Variants in GRIK2 observed in about 807,000 individuals in gnomAD.
GRIK2 encodes the protein glutamate receptor ionotropic, kainate 2.
GRIK2 carries 32 observed loss-of-function variants against 100.3 expected under a neutral mutation model. The ratio of observed to expected loss-of-function variants is 0.32; its 90% confidence interval spans 0.24 to 0.43. The LOEUF is 0.43. GRIK2 is among the 20% of genes least tolerant of loss of function. The pLI, the probability that GRIK2 is intolerant of heterozygous loss-of-function variation, is 1.00. For synonymous variants in GRIK2, 417 were observed against 389.4 expected (o/e 1.07, Z -0.83); for missense variants, 843 against 1,114.9 (o/e 0.76, Z 3.47).
intron 7 of GRIK2, among the ~76,000 whole-genome samples, chr6:101,788,438 C>A (rs1250543289): frequency 6.6e-6 from 1 of 151,370 alleles, no homozygotes; most frequent in Admixed American, 6.6e-5. Flanking sequence ...CAATTCCCAT[C>A]TATGAGTGAG....
intron 10 of GRIK2, among the ~76,000 whole-genome samples, chr6:101,821,234 T>C (rs1781930166): frequency 6.6e-6 from 1 of 152,194 alleles, no homozygotes; most frequent in Non-Finnish European, 1.5e-5. Flanking sequence ...TTCAGTGTTA[T>C]TTTTTGAGAA....
At chr6:101,836,986 G>A (rs2791816) in intron 10 of GRIK2, among the ~76,000 whole-genome samples, 43,644 of 151,658 alleles carry the variant, frequency 0.29, 9,121 homozygotes, top group East Asian at 0.68. Context: ...TTTCTATTCA[G>A]CAGCACTGGT....
chr6:102,014,735 T>C (rs1172678425), intron 14 of GRIK2, among the ~76,000 whole-genome samples: 2 of 152,158 alleles, frequency 1.3e-5, no homozygotes, highest in East Asian at 3.8e-4. Context: ...TCCATCTAAT[T>C]GTATGGTTTT....
chr6:101,540,710 A>C (rs1775944444), intron 2 of GRIK2, among the ~76,000 whole-genome samples: 1 of 151,960 alleles, frequency 6.6e-6, no homozygotes, highest in Non-Finnish European at 1.5e-5. Context: ...TGTTTTCTAA[A>C]ACTGTGAATA....
At chr6:101,526,421 AG>A (rs1323733816) in intron 2 of GRIK2, among the ~76,000 whole-genome samples, 2 of 152,240 alleles carry the variant, frequency 1.3e-5, no homozygotes, top group Non-Finnish European at 2.9e-5. Context: ...ATGTTAAACT[AG>A]AAAAAATAAA....
chr6:101,854,631 A>C (rs1228907343), intron 10 of GRIK2, among the ~76,000 whole-genome samples: 1 of 152,186 alleles, frequency 6.6e-6, no homozygotes, highest in Admixed American at 6.5e-5. Flanking sequence ...TTATGTTAAG[A>C]AGCTGATTTT....
At chr6:101,606,577 A>G (rs538420402) in intron 2 of GRIK2, among the ~76,000 whole-genome samples, 19 of 152,118 alleles carry the variant, frequency 1.2e-4, no homozygotes, top group African/African-American at 4.6e-4. Flanking sequence ...TCAGTTGGCT[A>G]ATAATAGCAG....
rs770026337 is a variant in GRIK2 at position 101,924,597 on chromosome 6, A to G, written c.1749-4A>G. 10 of 1,425,898 alleles carry G rather than the reference A, an allele frequency of 7.0e-6. No individual in the cohort carries two copies. In the Admixed American group the frequency reaches 1.2e-4, roughly 17 times the overall value. 88.3% of individuals were successfully genotyped at this position (1,425,898 alleles called of 1,614,324 possible). ...TGTATTCTTTTTTCTGTCAATTACC[A>G]CAGGTTTAGTCCTTATGAGTGGTAT... is the stretch of plus-strand genomic sequence containing the variant. On this transcript the variant is annotated splice_region_variant and splice_polypyrimidine_tract_variant and intron_variant, in intron 12 of 16. Coordinates refer to ENST00000369134, the MANE Select transcript of GRIK2 (RefSeq NM_021956.5).
intron 11 of GRIK2, among the ~76,000 whole-genome samples, chr6:101,869,403 AAAATCAT>A (rs1785246473): frequency 6.6e-6 from 1 of 151,940 alleles, no homozygotes; most frequent in African/African-American, 2.4e-5. Flanking sequence ...GTTTTGTGCC[AAAATCAT>A]GTGCCTTCAT....
intron 2 of GRIK2, among the ~76,000 whole-genome samples, chr6:101,565,928 T>G (rs1777240629): frequency 5.5e-5 from 5 of 91,008 alleles, no homozygotes; most frequent in Non-Finnish European, 1.1e-4. Context: ...TATATATATA[T>G]ATATGTGTAT....
intron 2 of GRIK2, among the ~76,000 whole-genome samples, chr6:101,605,630 A>T (rs185575149): frequency 6.6e-6 from 1 of 152,070 alleles, no homozygotes; most frequent in Non-Finnish European, 1.5e-5. Context: ...GTGAGCCAAG[A>T]TCGTGCCATT....
Position 101,471,283 on chromosome 6 carries a change from CCTAATA to C in GRIK2, c.115+71903_115+71908del, listed in dbSNP as rs1344874470. On this transcript the variant is annotated intron_variant, in intron 2 of 16. Coordinates refer to ENST00000369134, the MANE Select transcript of GRIK2 (RefSeq NM_021956.5). ...AGATTAAACGATCTCTCATATTATA[CCTAATA>C]CTAATACTAATCCTAAATTTTAAGA... Among the ~76,000 whole-genome samples the C allele has an allele frequency of 3.9e-5, 6 of 151,914 alleles. No individual in the cohort carries two copies. In the South Asian group the frequency reaches 6.2e-4, roughly 16 times the overall value.
At chr6:101,979,626 T>C (rs1793597229) in intron 14 of GRIK2, among the ~76,000 whole-genome samples, 1 of 151,960 alleles carries the variant, frequency 6.6e-6, no homozygotes, top group Admixed American at 6.6e-5. Context: ...TTTGGATTGC[T>C]GTGGGAGGAA....
At chr6:101,782,701 C>T (rs1779172291) in intron 7 of GRIK2, among the ~76,000 whole-genome samples, 2 of 152,076 alleles carry the variant, frequency 1.3e-5, no homozygotes, top group African/African-American at 4.8e-5. Flanking sequence ...ATACTGATTT[C>T]CTTTCCTTTG....
At chr6:101,815,795 C>A (rs1781598548) in intron 9 of GRIK2, among the ~76,000 whole-genome samples, 2 of 152,034 alleles carry the variant, frequency 1.3e-5, no homozygotes, top group Admixed American at 6.6e-5. Flanking sequence ...ATGTAGTTGA[C>A]AATCTAGGAA....
intron 7 of GRIK2, among the ~76,000 whole-genome samples, chr6:101,750,789 T>TGGACAGGAGCTTGGTAGA (rs1164673309): frequency 1.3e-4 from 20 of 152,212 alleles, no homozygotes; most frequent in Non-Finnish European, 2.9e-4. Flanking sequence ...TAGCTGCAGT[T>TGGACAGGAGCTTGGTAGA]GGACAGGAGC....
chr6:101,745,513 G>T (rs1002961073), intron 7 of GRIK2, among the ~76,000 whole-genome samples: 2 of 152,020 alleles, frequency 1.3e-5, no homozygotes, highest in Non-Finnish European at 2.9e-5. Flanking sequence ...GATGGATTGA[G>T]AAATATTTTA....
At chr6:101,647,476 A>T (rs537066251) in intron 4 of GRIK2, among the ~76,000 whole-genome samples, 1 of 152,078 alleles carries the variant, frequency 6.6e-6, no homozygotes, top group South Asian at 2.1e-4. Flanking sequence ...CTCCCAGGCT[A>T]TAGAAGTGCA....
At chr6:101,775,802 A>G (rs7747459) in intron 7 of GRIK2, among the ~76,000 whole-genome samples, 4,427 of 151,702 alleles carry the variant, frequency 0.029, 231 homozygotes, top group African/African-American at 0.1. Flanking sequence ...ATGTGTATAT[A>G]TATGGAATAT....
Sources: gnomAD v4.1 joint callset for allele counts (sites outside exome capture counted in the v4.1 genomes callset) on GRCh38, gnomAD v4.1.1 for gene constraint, MANE v1.5 for transcripts, NCBI Gene and HGNC (gene_info 2026-07-23, HGNC 2026-07-21) for gene names.